The following CSMD3 variants were observed in gnomAD, a reference collection of about 807,000 sequenced individuals.
CSMD3 encodes the protein CUB and Sushi multiple domains 3.
CSMD3 carries 177 observed loss-of-function variants against 435.2 expected under a neutral mutation model. That is an observed-to-expected ratio of 0.41 (90% CI 0.36 to 0.46). CSMD3 has a LOEUF of 0.46. Among genes scored for constraint, CSMD3 ranks in the 20% least tolerant of loss-of-function variants. The pLI is 0.34. For synonymous variants in CSMD3, 1,656 were observed against 1,520.5 expected (o/e 1.09, Z -2.07); for missense variants, 4,265 against 4,504.6 (o/e 0.95, Z 1.52).
intron 3 of CSMD3, among the ~76,000 whole-genome samples, chr8:113,270,301 CGA>C (rs2093511541): frequency 6.9e-6 from 1 of 144,870 alleles, no homozygotes; most frequent in Non-Finnish European, 1.5e-5. Flanking sequence ...ATTAAAAAGT[CGA>C]TCATTAAAAA....
intron 3 of CSMD3, among the ~76,000 whole-genome samples, chr8:113,218,036 T>C (rs1201966228): frequency 1.3e-5 from 2 of 151,156 alleles, no homozygotes; most frequent in East Asian, 3.9e-4. Flanking sequence ...GGTATATATA[T>C]GTTTCAATAT....
intron 25 of CSMD3, among the ~76,000 whole-genome samples, chr8:112,556,557 A>T (rs1828135883): frequency 6.6e-6 from 1 of 152,018 alleles, no homozygotes; most frequent in Admixed American, 6.6e-5. Context: ...AAACTAGAAG[A>T]TTATGGGAGG....
intron 10 of CSMD3, among the ~76,000 whole-genome samples, chr8:112,861,246 A>G (rs1179882190): frequency 1.3e-5 from 2 of 151,644 alleles, no homozygotes; most frequent in African/African-American, 4.8e-5. Flanking sequence ...CATCCTCCTC[A>G]CTGCTACTAT....
At position 112,301,803 on chromosome 8, in the gene CSMD3, G is replaced by A; in HGVS notation, c.8430C>T (p.Thr2810=). The A allele has an allele frequency of 6.2e-7, 1 of 1,613,354 alleles. No individual in the cohort carries two copies. The highest frequency in any genetic ancestry group is 8.5e-7 in the Non-Finnish European group (1 of 1,179,432). ...ATTAAAAATCTGTACCTAGGCATCT[G>A]GTTTCAGATTCACTCCAAAGACCTG... The part of the protein sequence containing the change: ...LSSGLWSESE[T]RCLAGHCGIP... Residue 2810 remains threonine, a synonymous_variant, in exon 53 of 71, where the codon ACC becomes ACT. Coordinates refer to ENST00000297405, the MANE Select transcript of CSMD3 (RefSeq NM_198123.2).
At chr8:112,739,123 G>A (rs532909189) in intron 13 of CSMD3, among the ~76,000 whole-genome samples, 10 of 151,712 alleles carry the variant, frequency 6.6e-5, no homozygotes, top group South Asian at 6.2e-4. Context: ...GTGTAAGGGC[G>A]AAAGGTTAAC....
At chr8:113,399,958 A>ATG (rs1336533575) in intron 1 of CSMD3, among the ~76,000 whole-genome samples, 2 of 151,470 alleles carry the variant, frequency 1.3e-5, no homozygotes, top group African/African-American at 4.8e-5. Flanking sequence ...GTATATATAT[A>ATG]TATATGTATA....
chr8:112,524,842 A>G lies in CSMD3; in HGVS notation c.4565-7617T>C, dbSNP rs565557855. Among the ~76,000 whole-genome samples, 10 of 152,162 alleles carry G rather than the reference A, an allele frequency of 6.6e-5. No individual in the cohort carries two copies. In the East Asian group the frequency reaches 1.7e-3, roughly 26 times the overall value. ...CATCTTCTTTATATGAATTATCTGA[A>G]TATTAAAATAACGTGCAAAATAATC... On this transcript the variant is annotated intron_variant, in intron 27 of 70. Coordinates refer to ENST00000297405, the MANE Select transcript of CSMD3 (RefSeq NM_198123.2).
chr8:112,886,353 T>C (rs956372654), intron 10 of CSMD3, among the ~76,000 whole-genome samples: 2 of 151,426 alleles, frequency 1.3e-5, no homozygotes, highest in Non-Finnish European at 3.0e-5. Context: ...GTCTTTTTCT[T>C]TTTTTTTCTT....
At chr8:112,914,157 A>G (rs1043242682) in intron 10 of CSMD3, among the ~76,000 whole-genome samples, 3 of 151,974 alleles carry the variant, frequency 2.0e-5, no homozygotes. Flanking sequence ...TGTCCAATGA[A>G]ATTTATTTCC....
chr8:112,343,001 T>TTATATATATATATA (rs34740069), intron 41 of CSMD3, among the ~76,000 whole-genome samples: 39 of 109,672 alleles, frequency 3.6e-4, no homozygotes, highest in African/African-American at 1.3e-3. Context: ...ATATATATAT[T>TTATATATATATATA]TATATATATA....
At chr8:113,071,940 T>A (rs1412490780) in intron 5 of CSMD3, among the ~76,000 whole-genome samples, 1 of 151,876 alleles carries the variant, frequency 6.6e-6, no homozygotes, top group Non-Finnish European at 1.5e-5. Flanking sequence ...TTTCAATTCA[T>A]GAACTCAGGA....
intron 10 of CSMD3, among the ~76,000 whole-genome samples, chr8:112,921,413 G>C (rs767002554): frequency 2.6e-5 from 4 of 151,902 alleles, no homozygotes; most frequent in Non-Finnish European, 5.9e-5. Flanking sequence ...TTATTCTTCA[G>C]TCTATGTTGT....
intron 3 of CSMD3, among the ~76,000 whole-genome samples, chr8:113,238,162 T>G (rs1314617344): frequency 6.6e-6 from 1 of 151,878 alleles, no homozygotes; most frequent in African/African-American, 2.4e-5. Flanking sequence ...GATACCACAT[T>G]TGTTTTTAGT....
intron 5 of CSMD3, among the ~76,000 whole-genome samples, chr8:113,025,739 A>G (rs1249489632): frequency 6.6e-6 from 1 of 152,010 alleles, no homozygotes; most frequent in African/African-American, 2.4e-5. Context: ...TAGGTAAGCC[A>G]TCTCTGTGGT....
chr8:113,281,395 G>C (rs1459335466), intron 2 of CSMD3, among the ~76,000 whole-genome samples: 1 of 151,730 alleles, frequency 6.6e-6, no homozygotes, highest in Non-Finnish European at 1.5e-5. Context: ...TTTCCTGTTG[G>C]ACAAGGCCTT....
intron 18 of CSMD3, among the ~76,000 whole-genome samples, chr8:112,655,852 A>G (rs576753882): frequency 1.6e-4 from 25 of 151,994 alleles, no homozygotes; most frequent in Non-Finnish European, 3.1e-4. Flanking sequence ...ATTACTGTCT[A>G]TTATCTGTTT....
chr8:113,089,617 A>G (rs1291784561), intron 5 of CSMD3, among the ~76,000 whole-genome samples: 1 of 152,178 alleles, frequency 6.6e-6, no homozygotes, highest in Non-Finnish European at 1.5e-5. Flanking sequence ...TTTGAAATAT[A>G]GAAGATGCTG....
intron 4 of CSMD3, among the ~76,000 whole-genome samples, chr8:113,126,517 GACA>G (rs1486502083): frequency 5.3e-5 from 8 of 151,882 alleles, no homozygotes; most frequent in Admixed American, 3.3e-4. Context: ...TAAAAGAATA[GACA>G]ACAAGTACCA....
At chr8:113,395,743 C>A (rs987224197) in intron 1 of CSMD3, among the ~76,000 whole-genome samples, 1 of 152,104 alleles carries the variant, frequency 6.6e-6, no homozygotes, top group Non-Finnish European at 1.5e-5. Context: ...ATTTAACTTT[C>A]TCTAATTACA....
Sources: allele counts gnomAD v4.1 joint callset (sites outside exome capture counted in the v4.1 genomes callset), GRCh38; gene constraint gnomAD v4.1.1; transcripts MANE v1.5; gene names NCBI Gene and HGNC (gene_info 2026-07-23, HGNC 2026-07-21).